Variants in CRADD observed in about 807,000 individuals in gnomAD.
CRADD encodes the protein CARD and death domain containing adaptor protein.
Under a neutral mutation model 15.5 loss-of-function variants are expected in CRADD, and 9 were observed. The observed-to-expected ratio is 0.58, with a 90% CI of 0.35 to 1.01. The LOEUF (loss-of-function observed/expected upper bound fraction) is 1.01. Among genes scored for constraint, CRADD ranks in the 50% least tolerant of loss-of-function variants. The probability of loss-of-function intolerance (pLI) is 0.02; values close to 1 mark genes in which losing one functional copy is unlikely to be tolerated. For missense variants in CRADD, 227 were observed against 250.3 expected (o/e 0.91, Z 0.63); for synonymous variants, 118 against 107.6 (o/e 1.10, Z -0.60).
chr12:93,879,578 G>C (rs528997465), intron 2 of CRADD, among the ~76,000 whole-genome samples: 9 of 152,090 alleles, frequency 5.9e-5, no homozygotes, highest in Middle Eastern at 3.4e-3. Flanking sequence ...ATGGGCAGGT[G>C]GGGGAGGCCA....
At chr12:93,855,170 C>T (rs1461065203), downstream of CRADD, among the ~76,000 whole-genome samples, 4 of 151,982 alleles carry the variant, frequency 2.6e-5, no homozygotes, top group Non-Finnish European at 4.4e-5. Flanking sequence ...ACTCGAGTCT[C>T]GGAGACAGCA....
chr12:93,755,365 A>G (rs1047263956), intron 2 of CRADD, among the ~76,000 whole-genome samples: 5 of 152,226 alleles, frequency 3.3e-5, no homozygotes, highest in African/African-American at 1.2e-4. Context: ...TCTCCTCTGC[A>G]TAGGTTTATA....
intron 2 of CRADD, among the ~76,000 whole-genome samples, chr12:93,806,585 A>G (rs772886418): frequency 6.6e-6 from 1 of 151,914 alleles, no homozygotes. Context: ...CTGCATCTGC[A>G]CATCAGTGGT....
chr12:93,681,710 A>G (rs1381978863), intron 2 of CRADD, among the ~76,000 whole-genome samples: 3 of 152,184 alleles, frequency 2.0e-5, no homozygotes, highest in African/African-American at 7.2e-5. Flanking sequence ...CTCCTTCCCA[A>G]TCTTGTCTCA....
chr12:93,836,012 T>C (rs552245186), intron 2 of CRADD, among the ~76,000 whole-genome samples: 2 of 152,306 alleles, frequency 1.3e-5, no homozygotes, highest in South Asian at 4.1e-4. Flanking sequence ...GAAAGTGAGC[T>C]CACCAAGTTG....
In CRADD at chr12:93,850,512, T is replaced by C; in HGVS notation, c.*241T>C. The C allele has an allele frequency of 8.1e-7, 1 of 1,241,640 alleles. No individual in the cohort carries two copies. Among genetic ancestry groups the C allele is most frequent in the South Asian group, 2.6e-5 (1 of 38,512 alleles). The allele number at this position is 1,241,640 out of a possible 1,614,324, so 76.9% of individuals were successfully genotyped here. A position where few individuals can be genotyped will look rare whatever the true frequency, so the allele number is the denominator to read the frequency against. ...TTGCTTGAAGATTGCATTGTTGTAATTGTTCAGTTTTTAAATGTGTAATGG... is the reference window on the plus strand; with the variant it reads ...TTGCTTGAAGATTGCATTGTTGTAACTGTTCAGTTTTTAAATGTGTAATGG... On this transcript the variant is annotated 3_prime_UTR_variant, in exon 3 of 3. Coordinates refer to ENST00000332896, the MANE Select transcript of CRADD (RefSeq NM_003805.5). This position sits in a 1 kb window ranked among gnomAD's most constrained non-coding sequence, Gnocchi z 4.0.
intron 2 of CRADD, among the ~76,000 whole-genome samples, chr12:93,707,025 A>G (rs983768987): frequency 6.6e-6 from 1 of 152,226 alleles, no homozygotes; most frequent in African/African-American, 2.4e-5. Flanking sequence ...ATTTCAAATG[A>G]CTTTAATTGG....
chr12:93,726,749 A>G (rs903360206), intron 2 of CRADD, among the ~76,000 whole-genome samples: 7 of 152,156 alleles, frequency 4.6e-5, no homozygotes. Context: ...GTAGCAGGAA[A>G]GAACAAGTGG....
At chr12:93,775,233 A>G (rs6538452) in intron 2 of CRADD, among the ~76,000 whole-genome samples, 4,878 of 152,322 alleles carry the variant, frequency 0.032, 251 homozygotes, top group African/African-American at 0.11. Flanking sequence ...GCAATATTTT[A>G]TCACATGCCA....
chr12:93,735,461 G>A (rs566707255), intron 2 of CRADD: 9 of 152,282 alleles, frequency 5.9e-5, no homozygotes, highest in South Asian at 2.1e-4. Context: ...AGCTGAAGTC[G>A]AGTCCCAGAA....
chr12:93,892,508 T>G (rs534601649), intron 2 of CRADD, among the ~76,000 whole-genome samples: 5 of 152,126 alleles, frequency 3.3e-5, no homozygotes, highest in Non-Finnish European at 2.9e-5. Context: ...CGAGTCTGCC[T>G]GCCTTTTCTG....
intron 2 of CRADD, among the ~76,000 whole-genome samples, chr12:93,892,742 G>A (rs945734614): frequency 3.9e-5 from 6 of 152,182 alleles, no homozygotes; most frequent in Non-Finnish European, 8.8e-5. Context: ...GGGATCATTC[G>A]GGAATAAACT....
At chr12:93,859,410 C>G (rs997074155) in intron 2 of CRADD, 3 of 453,596 alleles carry the variant, frequency 6.6e-6, no homozygotes, top group Non-Finnish European at 4.4e-6. Context: ...CCTAAGGCCT[C>G]GTTACCTGTG....
At chr12:93,819,654 A>C (rs886749237) in intron 2 of CRADD, among the ~76,000 whole-genome samples, 7 of 152,256 alleles carry the variant, frequency 4.6e-5, no homozygotes, top group Non-Finnish European at 7.3e-5. Flanking sequence ...AGGCTAACAC[A>C]TGGTAAATAC....
intron 2 of CRADD, among the ~76,000 whole-genome samples, chr12:93,734,332 A>T (rs1300190323): frequency 1.3e-5 from 2 of 152,182 alleles, no homozygotes; most frequent in African/African-American, 4.8e-5. Context: ...GTGAATTTTG[A>T]ATTTTTTAGT....
intron 2 of CRADD, among the ~76,000 whole-genome samples, chr12:93,801,958 T>C (rs1385341222): frequency 6.6e-6 from 1 of 152,218 alleles, no homozygotes; most frequent in Admixed American, 6.5e-5. Flanking sequence ...TGTTTTCCAT[T>C]CTTGAGTTAC....
chr12:93,857,203 C>G (rs1460245209), intron 2 of CRADD, among the ~76,000 whole-genome samples: 1 of 151,374 alleles, frequency 6.6e-6, no homozygotes, highest in African/African-American at 2.4e-5. Flanking sequence ...CATATTCTAT[C>G]TCTAAGCAGG....
At chr12:93,777,537 C>T (rs891318710) in intron 2 of CRADD, among the ~76,000 whole-genome samples, 1 of 152,102 alleles carries the variant, frequency 6.6e-6, no homozygotes, top group Admixed American at 6.5e-5. Context: ...GGGTCACCAA[C>T]GAAGATGAGG....
At chr12:93,730,332 AG>A (rs1478377406) in intron 2 of CRADD, among the ~76,000 whole-genome samples, 2 of 152,260 alleles carry the variant, frequency 1.3e-5, no homozygotes, top group Non-Finnish European at 2.9e-5. Flanking sequence ...ATTCAGTGAA[AG>A]CAACCAGAAG....
Sources: gnomAD v4.1 joint callset for allele counts (sites outside exome capture counted in the v4.1 genomes callset) on GRCh38, gnomAD v4.1.1 for gene constraint, Gnocchi (gnomAD v3.1) non-coding constraint, MANE v1.5 for transcripts, NCBI Gene and HGNC (gene_info 2026-07-23, HGNC 2026-07-21) for gene names.